The following RBFOX1 variants were observed in gnomAD, a reference collection of about 807,000 sequenced individuals.
RBFOX1 encodes the protein RNA binding fox-1 homolog 1, also known as RNA binding protein fox-1 homolog 1.
A neutral mutation model predicts 57.7 loss-of-function variants in RBFOX1; 8 were observed. The ratio of observed to expected loss-of-function variants is 0.14; its 90% CI spans 0.08 to 0.25. The LOEUF (loss-of-function observed/expected upper bound fraction) is 0.25. RBFOX1 is among the 10% of genes least tolerant of loss of function. RBFOX1 has a pLI of 1.00. For missense variants in RBFOX1, 611 were observed against 548.5 expected (o/e 1.11, Z -1.14); for synonymous variants, 326 against 222.4 (o/e 1.47, Z -4.15).
Position 5,946,258 on chromosome 16 carries a change from T to A in RBFOX1, c.351+78923T>A, listed in dbSNP as rs1467792162. Reference sequence around the variant, plus strand: ...TAAGTGTCTCTAAGTCTCAGCTTTCTAATCTGTAAAAGGGACACAATCATA... The same window carrying A: ...TAAGTGTCTCTAAGTCTCAGCTTTCAAATCTGTAAAAGGGACACAATCATA... On this transcript the variant is annotated intron_variant, in intron 4 of 19. Coordinates refer to the RBFOX1 transcript ENST00000641259. The surrounding 1 kb of genome is among the most constrained non-coding windows in gnomAD (Gnocchi z 4.6). Among the ~76,000 whole-genome samples the A allele has an allele frequency of 6.6e-6, 1 of 152,228 alleles. No individual in the cohort carries two copies. The highest frequency in any genetic ancestry group is 1.9e-4 in the East Asian group (1 of 5,186).
At chr16:7,389,511 A>G (rs1488313463) in intron 4 of RBFOX1, among the ~76,000 whole-genome samples, 1 of 152,192 alleles carries the variant, frequency 6.6e-6, no homozygotes, top group African/African-American at 2.4e-5. Context: ...GGACTCCAGG[A>G]CCAAAGATAT....
At chr16:6,900,997 A>C (rs74008422) in intron 3 of RBFOX1, among the ~76,000 whole-genome samples, 2,538 of 152,270 alleles carry the variant, frequency 0.017, 68 homozygotes, top group African/African-American at 0.058. Context: ...TAGAACTAGA[A>C]AGACTTCCTG....
At chr16:6,488,279 A>G (rs780057302) in intron 2 of RBFOX1, among the ~76,000 whole-genome samples, 1 of 152,222 alleles carries the variant, frequency 6.6e-6, no homozygotes, top group Non-Finnish European at 1.5e-5. Context: ...TGTTGTCTGC[A>G]AAGAAGATGT....
intron 3 of RBFOX1, among the ~76,000 whole-genome samples, chr16:6,954,457 G>C (rs1171036209): frequency 6.6e-6 from 1 of 152,048 alleles, no homozygotes. Flanking sequence ...TTGTCAAGCA[G>C]GAACAAAACT....
chr16:5,464,396 C>G (rs569719769), intron 1 of RBFOX1, among the ~76,000 whole-genome samples: 1 of 152,148 alleles, frequency 6.6e-6, no homozygotes, highest in East Asian at 1.9e-4. Flanking sequence ...AAGGAGGAAA[C>G]GCCTTAGGAA....
At chr16:6,388,594 G>A (rs1316587489) in intron 2 of RBFOX1, among the ~76,000 whole-genome samples, 1 of 151,908 alleles carries the variant, frequency 6.6e-6, no homozygotes. Flanking sequence ...AGGAAACCTG[G>A]CTGGGCACAG....
At chr16:7,134,655 G>T (rs112543471) in intron 4 of RBFOX1, among the ~76,000 whole-genome samples, 2 of 152,120 alleles carry the variant, frequency 1.3e-5, no homozygotes, top group Non-Finnish European at 2.9e-5. Flanking sequence ...AAAGAATTCC[G>T]TCAGCTTTCA....
intron 4 of RBFOX1, among the ~76,000 whole-genome samples, chr16:7,327,293 G>T (rs963450375): frequency 1.3e-5 from 2 of 152,198 alleles, no homozygotes; most frequent in Admixed American, 1.3e-4. Flanking sequence ...AAGATAATTT[G>T]CCAGTGTGGT....
intron 2 of RBFOX1, among the ~76,000 whole-genome samples, chr16:6,431,668 A>C (rs567563201): frequency 6.6e-6 from 1 of 152,214 alleles, no homozygotes; most frequent in South Asian, 2.1e-4. Context: ...GGACTTGGGC[A>C]CTTAGTCTGA....
In RBFOX1 at chr16:6,856,656, T is replaced by C. The variant is rs900310679; in HGVS notation, c.-15-195401T>C. Among the ~76,000 whole-genome samples, 3 of 152,280 alleles carry C rather than the reference T, an allele frequency of 2.0e-5. No homozygotes were observed. In the East Asian group the frequency reaches 5.8e-4, roughly 29 times the overall value. On this transcript the variant is annotated intron_variant, in intron 3 of 15. Coordinates refer to ENST00000550418, the MANE Select transcript of RBFOX1 (RefSeq NM_018723.4). ...ACCACCTCTTGTGCAGGAATATTTATATATTCCTGTATTCTTCAAGATGTT... is the reference window on the plus strand; with the variant it reads ...ACCACCTCTTGTGCAGGAATATTTACATATTCCTGTATTCTTCAAGATGTT...
At chr16:6,898,982 G>T (rs1176701742) in intron 3 of RBFOX1, among the ~76,000 whole-genome samples, 2 of 149,646 alleles carry the variant, frequency 1.3e-5, no homozygotes, top group African/African-American at 5.0e-5. Flanking sequence ...ATGTGTGTAT[G>T]TGTGCATATA....
intron 3 of RBFOX1, among the ~76,000 whole-genome samples, chr16:6,906,697 G>A (rs1234596744): frequency 4.6e-5 from 7 of 151,394 alleles, no homozygotes; most frequent in Non-Finnish European, 8.8e-5. Context: ...AGAGCAGACT[G>A]GGTGCTCCAT....
At chr16:6,641,022 T>C (rs1052779952) in intron 2 of RBFOX1, among the ~76,000 whole-genome samples, 15 of 152,208 alleles carry the variant, frequency 9.9e-5, no homozygotes, top group Admixed American at 7.2e-4. Flanking sequence ...CTATCTGACT[T>C]GATGGGCGTA....
At chr16:5,833,104 A>G (rs987714412) in intron 3 of RBFOX1, among the ~76,000 whole-genome samples, 2 of 152,168 alleles carry the variant, frequency 1.3e-5, no homozygotes, top group African/African-American at 4.8e-5. Context: ...GGGTCTGGGT[A>G]AGAACCCCAT....
intron 3 of RBFOX1, among the ~76,000 whole-genome samples, chr16:6,927,168 T>G (rs372523805): frequency 3.9e-5 from 6 of 152,094 alleles, no homozygotes; most frequent in African/African-American, 1.4e-4. Context: ...AGTTCTGAAT[T>G]GTTAGGTCTG....
chr16:5,780,253 C>T (rs1334655694), intron 3 of RBFOX1, among the ~76,000 whole-genome samples: 3 of 152,232 alleles, frequency 2.0e-5, no homozygotes, highest in Non-Finnish European at 4.4e-5. Context: ...CCACCCATCT[C>T]TGCCTCCCAA....
At chr16:6,997,664 G>C (rs1356080197) in intron 3 of RBFOX1, among the ~76,000 whole-genome samples, 1 of 152,106 alleles carries the variant, frequency 6.6e-6, no homozygotes, top group Non-Finnish European at 1.5e-5. Context: ...TCAGGGTATT[G>C]TTCGGTTTCT....
intron 2 of RBFOX1, among the ~76,000 whole-genome samples, chr16:6,485,392 T>C (rs955218266): frequency 2.6e-5 from 4 of 151,518 alleles, no homozygotes; most frequent in Non-Finnish European, 5.9e-5. Flanking sequence ...GGGTATTTCT[T>C]CCTCCTTATC....
chr16:6,846,026 C>G (rs764088303), intron 3 of RBFOX1, among the ~76,000 whole-genome samples: 2 of 152,182 alleles, frequency 1.3e-5, no homozygotes, highest in Non-Finnish European at 2.9e-5. Context: ...CTGCTTCAGG[C>G]CATATTTCTG....
Sources: allele counts gnomAD v4.1 joint callset (sites outside exome capture counted in the v4.1 genomes callset), GRCh38; gene constraint gnomAD v4.1.1; non-coding constraint Gnocchi (gnomAD v3.1); transcripts MANE v1.5; gene names NCBI Gene and HGNC (gene_info 2026-07-23, HGNC 2026-07-21).